Variants in RBFOX1 observed in about 807,000 individuals in gnomAD.
RBFOX1 encodes the protein RNA binding fox-1 homolog 1.
In RBFOX1, 8 loss-of-function variants were observed where a neutral mutation model predicts 57.7. The ratio of observed to expected loss-of-function variants is 0.14; its 90% CI spans 0.08 to 0.25. The LOEUF (loss-of-function observed/expected upper bound fraction) is 0.25, where lower values mean the gene tolerates loss of function less well. Among genes scored for constraint, RBFOX1 ranks in the 10% least tolerant of loss-of-function variants. RBFOX1 has a pLI of 1.00. For missense variants in RBFOX1, 611 were observed against 548.5 expected, an observed-to-expected ratio of 1.11 and a Z score of -1.14; for synonymous variants, 326 against 222.4, an observed-to-expected ratio of 1.47 and a Z score of -4.15.
chr16:6,744,656 C>G (rs898049199), intron 3 of RBFOX1, among the ~76,000 whole-genome samples: 1 of 152,008 alleles, frequency 6.6e-6, no homozygotes, highest in African/African-American at 2.4e-5. Flanking sequence ...CAAAAATATA[C>G]ATAAGACATA....
chr16:6,105,477 G>T (rs1047766787), intron 1 of RBFOX1, among the ~76,000 whole-genome samples: 3 of 151,936 alleles, frequency 2.0e-5, no homozygotes, highest in Admixed American at 1.3e-4. Context: ...GCCTATTTAA[G>T]ACTGGCATTC....
intron 3 of RBFOX1, among the ~76,000 whole-genome samples, chr16:5,631,139 C>G (rs1395705070): frequency 6.6e-6 from 1 of 152,184 alleles, no homozygotes; most frequent in African/African-American, 2.4e-5. Context: ...AAAGAAAACT[C>G]AACCGGTCAT....
chr16:7,006,817 A>C (rs28719484), intron 3 of RBFOX1, among the ~76,000 whole-genome samples: 13 of 152,086 alleles, frequency 8.5e-5, no homozygotes, highest in African/African-American at 2.9e-4. Context: ...TCACCTGCCC[A>C]AGAACCCTCA....
At position 6,240,585 on chromosome 16, in the gene RBFOX1, G is replaced by GA. The variant is rs1180938308; in HGVS notation, c.-126-76407dup. Among the ~76,000 whole-genome samples the GA allele has an allele frequency of 3.3e-5, 5 of 152,020 alleles. No homozygotes were observed. The East Asian group carries it at 9.7e-4, about 29-fold the overall frequency. ...TTGTCTGCAAGTACAAACCCCTACT[G>GA]AAACTTCACCCCAGGCCCTTTCCCA... On this transcript the variant is annotated intron_variant, in intron 1 of 15. Coordinates refer to ENST00000550418, the MANE Select transcript of RBFOX1 (RefSeq NM_018723.4).
chr16:7,165,924 G>T (rs969035843), intron 4 of RBFOX1, among the ~76,000 whole-genome samples: 3 of 104,812 alleles, frequency 2.9e-5, no homozygotes, highest in Non-Finnish European at 5.8e-5. Flanking sequence ...GCACCCCACC[G>T]CATGCACATA....
In RBFOX1 at chr16:7,043,173, C is replaced by G. The variant is rs542676659; in HGVS notation, c.-15-8884C>G. On this transcript the variant is annotated intron_variant, in intron 3 of 15. Coordinates refer to ENST00000550418, the MANE Select transcript of RBFOX1 (RefSeq NM_018723.4). ...AAGGGTTAGATCAAGGGTCTCAGCT[C>G]CAGAAACAACTGACTGATGTCTCCT... Among the ~76,000 whole-genome samples the G allele has an allele frequency of 4.6e-5, 7 of 152,200 alleles. No homozygotes were observed. The East Asian group carries it at 1.4e-3, about 29-fold the overall frequency.
intron 6 of RBFOX1, 119 bp downstream of exon 6, chr16:7,580,039 AT>A: frequency 9.1e-7 from 1 of 1,093,654 alleles, no homozygotes; most frequent in Non-Finnish European, 1.3e-6. Flanking sequence ...GGGAGAAACA[AT>A]TTAGAGCCTA....
At chr16:6,058,683 A>G (rs1451332929) in intron 1 of RBFOX1, among the ~76,000 whole-genome samples, 3 of 146,586 alleles carry the variant, frequency 2.0e-5, no homozygotes, top group Non-Finnish European at 3.0e-5. Context: ...CCATCCACCA[A>G]TCCATTCACT....
chr16:7,270,514 T>C (rs8051518), intron 4 of RBFOX1, among the ~76,000 whole-genome samples: 40,053 of 152,010 alleles, frequency 0.26, 5,554 homozygotes, highest in South Asian at 0.32. Context: ...GAAGGTACCA[T>C]TGGGCAGTTT....
rs929965754 is a variant in RBFOX1 at position 7,442,931 on chromosome 16, A to G, written c.28-75216A>G. Among the ~76,000 whole-genome samples the G allele has an allele frequency of 8.5e-5, 13 of 152,176 alleles. 1 individual carries two copies. Among genetic ancestry groups the G allele is most frequent in the East Asian group, 7.7e-4 (4 of 5,180 alleles). On this transcript the variant is annotated intron_variant, in intron 4 of 15. Coordinates refer to ENST00000550418, the MANE Select transcript of RBFOX1 (RefSeq NM_018723.4). ...TTGAGCCATTGCCTGTTCCTGACTA[A>G]TGATCTTTTGTGGAACTCAAGCCAT...
intron 2 of RBFOX1, among the ~76,000 whole-genome samples, chr16:6,507,282 C>T (rs1406679619): frequency 4.6e-5 from 7 of 151,942 alleles, no homozygotes; most frequent in Admixed American, 4.6e-4. Flanking sequence ...TTCATAGCAG[C>T]ATGTTTACAA....
intron 4 of RBFOX1, among the ~76,000 whole-genome samples, chr16:7,273,429 C>T (rs527721349): frequency 3.3e-5 from 5 of 152,108 alleles, no homozygotes; most frequent in Admixed American, 6.5e-5. Context: ...CTAATCTAAA[C>T]AAGAATTATT....
At chr16:5,388,323 C>G (rs953410335) in intron 1 of RBFOX1, among the ~76,000 whole-genome samples, 5 of 152,114 alleles carry the variant, frequency 3.3e-5, no homozygotes, top group Non-Finnish European at 5.9e-5. Flanking sequence ...AGGCTTCGGA[C>G]AAAGGCTGAT....
rs1048283337 is a variant in RBFOX1 at position 5,947,233 on chromosome 16, G to A, written c.351+79898G>A. ...TCTGTCTCTAAAACAAAACAAACCA[G>A]AAGAAAGGCTACTAAGGCTGGAGAG... is the stretch of plus-strand genomic sequence containing the variant. On this transcript the variant is annotated intron_variant, in intron 4 of 19. Coordinates refer to the RBFOX1 transcript ENST00000641259. This position sits in a 1 kb window ranked among gnomAD's most constrained non-coding sequence, Gnocchi z 7.2. Among the ~76,000 whole-genome samples, 2 of 152,074 alleles carry A rather than the reference G, an allele frequency of 1.3e-5. No homozygotes were observed. The highest frequency in any genetic ancestry group is 2.9e-5 in the Non-Finnish European group (2 of 68,000).
intron 6 of RBFOX1, among the ~76,000 whole-genome samples, chr16:7,582,349 A>G (rs369826506): frequency 4.4e-4 from 67 of 152,216 alleles, no homozygotes; most frequent in African/African-American, 1.6e-3. Context: ...AAAGTATGCA[A>G]GATTTATTTG....
chr16:6,545,125 G>A (rs902383466), intron 2 of RBFOX1, among the ~76,000 whole-genome samples: 7 of 152,024 alleles, frequency 4.6e-5, no homozygotes, highest in Middle Eastern at 3.2e-3. Flanking sequence ...CTAAAAATCC[G>A]CGTACTTTTT....
Position 7,711,583 on chromosome 16 carries a change from A to G in RBFOX1, c.*838A>G, listed in dbSNP as rs1426223863. The G allele has an allele frequency of 6.6e-6, 1 of 152,632 alleles. No individual in the cohort carries two copies. Among genetic ancestry groups the G allele is most frequent in the Non-Finnish European group, 1.5e-5 (1 of 68,034 alleles). The allele number at this position is 152,632 out of a possible 1,614,324, so 9.5% of individuals were successfully genotyped here. Reference sequence around the variant, plus strand: ...ATAACATTAATAAAAAGGTGATAAAAAAGCACTGTTTCTATTTTTTTCTTT... The same window carrying G: ...ATAACATTAATAAAAAGGTGATAAAGAAGCACTGTTTCTATTTTTTTCTTT... On this transcript the variant is annotated 3_prime_UTR_variant, in exon 16 of 16. Transcript: ENST00000550418.
At chr16:7,040,839 T>C (rs1434981177) in intron 3 of RBFOX1, among the ~76,000 whole-genome samples, 3 of 152,330 alleles carry the variant, frequency 2.0e-5, no homozygotes, top group Admixed American at 6.5e-5. Flanking sequence ...TTTGGCAAAT[T>C]GTGGCCATGG....
At chr16:6,128,161 A>C (rs977937813) in intron 1 of RBFOX1, among the ~76,000 whole-genome samples, 2 of 152,168 alleles carry the variant, frequency 1.3e-5, no homozygotes, top group Admixed American at 1.3e-4. Context: ...ATATCTTGAC[A>C]ATTTTTGTAT....
Sources: gnomAD v4.1 joint callset for allele counts (sites outside exome capture counted in the v4.1 genomes callset) on GRCh38, gnomAD v4.1.1 for gene constraint, Gnocchi (gnomAD v3.1) non-coding constraint, MANE v1.5 for transcripts, NCBI Gene and HGNC (gene_info 2026-07-23, HGNC 2026-07-21) for gene names.